GGTA1: variants seen among roughly 807,000 people sequenced by gnomAD.
GGTA1 encodes glycoprotein alpha-galactosyltransferase 1 (inactive).
Under a neutral mutation model 2.6 loss-of-function variants are expected in GGTA1, and 5 were observed. The observed-to-expected ratio is 1.92, with a 90% CI of 1.00 to 4.04. GGTA1 has a LOEUF of 4.04. GGTA1 is among the 30% of genes most tolerant of loss of function. The pLI is 0.00. For synonymous variants in GGTA1, 17 were observed against 5.0 expected (o/e 3.38, Z -3.19); for missense variants, 50 against 16.7 (o/e 2.99, Z -3.47).
At chr9:121,480,934 A>G (rs1206058721) in intron 1 of GGTA1, among the ~76,000 whole-genome samples, 2 of 151,944 alleles carry the variant, frequency 1.3e-5, no homozygotes, top group East Asian at 1.9e-4. Context: ...CGGGTGGACC[A>G]TGAGGTCAGG....
intron 1 of GGTA1, among the ~76,000 whole-genome samples, chr9:121,489,818 G>A (rs948257275): frequency 5.3e-5 from 8 of 152,284 alleles, no homozygotes; most frequent in African/African-American, 1.9e-4. Flanking sequence ...TGTTGGGGGT[G>A]GGGTGGGGTT....
At chr9:121,495,676 C>A (rs1828976595) in intron 1 of GGTA1, among the ~76,000 whole-genome samples, 1 of 152,200 alleles carries the variant, frequency 6.6e-6, no homozygotes, top group South Asian at 2.1e-4. Context: ...CTCCTAATTA[C>A]CCAATGCAAC....
chr9:121,463,141 A>G, intron 3 of GGTA1, 152 bp downstream of exon 3: 1 of 412,598 alleles, frequency 2.4e-6, no homozygotes, highest in Non-Finnish European at 4.7e-6. Context: ...AAGCTGCAGA[A>G]ATAACATTCC....
chr9:121,459,837 C>A (rs1329932294), intron 5 of GGTA1, among the ~76,000 whole-genome samples: 2 of 152,262 alleles, frequency 1.3e-5, no homozygotes, highest in African/African-American at 4.8e-5. Context: ...TTCTCAAATA[C>A]AACCATGTTG....
chr9:121,461,977 A>ACTGTAGC (rs2064963759), intron 3 of GGTA1, among the ~76,000 whole-genome samples: 2 of 152,232 alleles, frequency 1.3e-5, no homozygotes, highest in South Asian at 4.1e-4. Flanking sequence ...CTTAGAAGCC[A>ACTGTAGC]CTGTAGCCAC....
intron 1 of GGTA1, among the ~76,000 whole-genome samples, chr9:121,494,023 C>T (rs117210563): frequency 0.021 from 3,138 of 152,192 alleles, 47 homozygotes; most frequent in Non-Finnish European, 0.034. Context: ...TCCCAGCATC[C>T]TGGGATTACA....
At chr9:121,489,383 A>T (rs1309600888) in intron 1 of GGTA1, among the ~76,000 whole-genome samples, 1 of 152,094 alleles carries the variant, frequency 6.6e-6, no homozygotes, top group Non-Finnish European at 1.5e-5. Context: ...TTTTCTTTAG[A>T]GGTGAGGTCT....
In GGTA1 at chr9:121,463,331, A is replaced by C. The variant is rs2064976427; in HGVS notation, c.81-3T>G. On this transcript the variant is annotated splice_region_variant and splice_polypyrimidine_tract_variant and intron_variant, in intron 2 of 5. Transcript: ENST00000481799. ...TCCACAAGAAAGAGCCTTCTGTGCT[A>C]AAAGCAAAAAAGAAATAAAAACATA... 2.2e-6 allele frequency: 1 copy of C among 452,120 alleles called. No homozygotes were observed. Among genetic ancestry groups the C allele is most frequent in the South Asian group, 1.6e-5 (1 of 63,458 alleles). 28.0% of individuals were successfully genotyped at this position (452,120 alleles called of 1,614,324 possible).
intron 1 of GGTA1, among the ~76,000 whole-genome samples, chr9:121,497,822 C>T (rs935661462): frequency 1.3e-5 from 2 of 152,154 alleles, no homozygotes; most frequent in Non-Finnish European, 2.9e-5. Flanking sequence ...GGCTTCTTCT[C>T]CCAGAAGGGC....
At chr9:121,454,179 G>A (rs1427070074), downstream of GGTA1, among the ~76,000 whole-genome samples, 3 of 152,300 alleles carry the variant, frequency 2.0e-5, no homozygotes, top group African/African-American at 7.2e-5. Flanking sequence ...CCCCAGGTAC[G>A]CCTGCTGCAT....
chr9:121,445,892 T>C (rs1449645243), exon 8 of GGTA1: 1 of 152,192 alleles, frequency 6.6e-6, no homozygotes, highest in Non-Finnish European at 1.5e-5. Flanking sequence ...TGACCGAGTG[T>C]CTTCTGATGA....
At chr9:121,487,238 T>C (rs1828776540) in intron 1 of GGTA1, among the ~76,000 whole-genome samples, 1 of 152,128 alleles carries the variant, frequency 6.6e-6, no homozygotes, top group African/African-American at 2.4e-5. Flanking sequence ...ATGTTTGTCC[T>C]GGGTTGATCT....
At chr9:121,481,463 G>C (rs1828648065) in intron 1 of GGTA1, among the ~76,000 whole-genome samples, 1 of 151,942 alleles carries the variant, frequency 6.6e-6, no homozygotes, top group Non-Finnish European at 1.5e-5. Context: ...GAGGCAGGTG[G>C]ATCACCTGAA....
intron 5 of GGTA1, among the ~76,000 whole-genome samples, chr9:121,456,246 T>C (rs1291912393): frequency 6.6e-6 from 1 of 152,222 alleles, no homozygotes; most frequent in African/African-American, 2.4e-5. Context: ...TCCTTCCACG[T>C]AGGACATGCA....
In GGTA1 at chr9:121,479,254, G is replaced by A. The variant is rs144053487; in HGVS notation, c.-9-11323C>T. 2.1e-4 allele frequency: 79 copies of A among 381,038 alleles called. No individual in the cohort carries two copies. In the East Asian group the frequency reaches 5.6e-3, roughly 27 times the overall value. 23.6% of individuals were successfully genotyped at this position (381,038 alleles called of 1,614,324 possible). A position where few individuals can be genotyped will look rare whatever the true frequency, so the allele number is the denominator to read the frequency against. On this transcript the variant is annotated intron_variant, in intron 1 of 5. Coordinates refer to ENST00000481799, the MANE Select transcript of GGTA1 (RefSeq NM_001382585.1). ...TGCCGCTTTCACCCCAGAGTAAAAGGCAAAACAACAAAGTTCTTTTGAGCT... is the reference window on the plus strand; with the variant it reads ...TGCCGCTTTCACCCCAGAGTAAAAGACAAAACAACAAAGTTCTTTTGAGCT...
In GGTA1 at chr9:121,479,859, T is replaced by C. The variant is rs1453859938; in HGVS notation, c.-9-11928A>G. Among the ~76,000 whole-genome samples the C allele has an allele frequency of 2.6e-5, 4 of 152,158 alleles. No homozygotes were observed. The East Asian group carries it at 7.7e-4, about 29-fold the overall frequency. On this transcript the variant is annotated intron_variant, in intron 1 of 5. Transcript: ENST00000481799. ...GTCGCTGTTTGGTTTGAACACTACATTTTTATAGAATGTTACGGGATCTCC... is the reference window on the plus strand; with the variant it reads ...GTCGCTGTTTGGTTTGAACACTACACTTTTATAGAATGTTACGGGATCTCC...
At chr9:121,450,586 G>C (rs1313472889), downstream of GGTA1, among the ~76,000 whole-genome samples, 1 of 152,216 alleles carries the variant, frequency 6.6e-6, no homozygotes, top group Non-Finnish European at 1.5e-5. Flanking sequence ...GTTGGAACTG[G>C]ATGGCTGAAG....
chr9:121,480,110 C>T (rs1447342796), intron 1 of GGTA1, among the ~76,000 whole-genome samples: 1 of 150,274 alleles, frequency 6.7e-6, no homozygotes, highest in East Asian at 2.0e-4. Context: ...GGGCGGAGTA[C>T]AGTGGCGTGA....
At chr9:121,464,660 G>A (rs2064989241) in intron 2 of GGTA1, among the ~76,000 whole-genome samples, 1 of 152,198 alleles carries the variant, frequency 6.6e-6, no homozygotes, top group Non-Finnish European at 1.5e-5. Flanking sequence ...AGAATCGGAG[G>A]TAATGCATAG....
Sources: allele counts gnomAD v4.1 joint callset (sites outside exome capture counted in the v4.1 genomes callset), GRCh38; gene constraint gnomAD v4.1.1; transcripts MANE v1.5; gene names NCBI Gene and HGNC (gene_info 2026-07-23, HGNC 2026-07-21).